The following MMUT variants were observed in gnomAD, a reference collection of about 807,000 sequenced individuals.
The protein encoded by MMUT is methylmalonyl-CoA mutase, mitochondrial.
In MMUT, 79 loss-of-function variants were observed where a neutral mutation model predicts 79.9. That is an observed-to-expected ratio of 0.99 (90% confidence interval 0.82 to 1.19). MMUT has a LOEUF of 1.19. Ranked by LOEUF, MMUT falls within the 50% of genes most tolerant of loss-of-function variation. MMUT has a pLI of 0.00. For synonymous variants in MMUT, 273 were observed against 295.7 expected, an observed-to-expected ratio of 0.92 and a Z score of 0.79; for missense variants, 860 against 917.2, an observed-to-expected ratio of 0.94 and a Z score of 0.81.
intron 8 of MMUT, among the ~76,000 whole-genome samples, chr6:49,447,168 A>T (rs1454524393): frequency 6.6e-6 from 1 of 151,956 alleles, no homozygotes; most frequent in African/African-American, 2.4e-5. Context: ...GTACCTTACT[A>T]AAGCACTACC....
chr6:49,460,889 T>G (rs1246014118), intron 1 of MMUT, among the ~76,000 whole-genome samples: 3 of 152,204 alleles, frequency 2.0e-5, no homozygotes. Flanking sequence ...TTTTAACTAC[T>G]TTGGAAAGTA....
chr6:49,449,690 CAG>C (rs1008772559), intron 6 of MMUT, among the ~76,000 whole-genome samples: 1 of 151,838 alleles, frequency 6.6e-6, no homozygotes, highest in Non-Finnish European at 1.5e-5. Flanking sequence ...ACAAAAAGCA[CAG>C]AGAGAAAATG....
At chr6:49,444,987 A>G (rs1767376222) in intron 8 of MMUT, among the ~76,000 whole-genome samples, 1 of 152,168 alleles carries the variant, frequency 6.6e-6, no homozygotes, top group Admixed American at 6.6e-5. Context: ...ATCCTAACAA[A>G]TCAGAAACAT....
intron 1 of MMUT, 125 bp from the exon 2 acceptor site, chr6:49,459,630 C>A: frequency 1.3e-6 from 1 of 745,742 alleles, no homozygotes. Flanking sequence ...CCCTTTTCTG[C>A]TTCCTGCACC....
chr6:49,446,788 A>C lies in MMUT; in HGVS notation c.1560+882T>G, dbSNP rs140260092. ...ATAAATGAAATCCTTCAGGCTATGA[A>C]GATATAAAGTTAATAACCTAAAGTA... On this transcript the variant is annotated intron_variant, in intron 8 of 12. Transcript: ENST00000274813. 2.0e-5 allele frequency among the ~76,000 whole-genome samples: 3 copies of C among 151,996 alleles called. No homozygotes were observed. In the East Asian group the frequency reaches 5.8e-4, roughly 29 times the overall value.
intron 4 of MMUT, among the ~76,000 whole-genome samples, chr6:49,455,189 A>G (rs1325401068): frequency 6.6e-6 from 1 of 152,156 alleles, no homozygotes; most frequent in African/African-American, 2.4e-5. Flanking sequence ...AATCTCTTCA[A>G]TGTATGGCTT....
intron 1 of MMUT, among the ~76,000 whole-genome samples, chr6:49,461,754 G>T (rs1015037174): frequency 6.6e-6 from 1 of 152,146 alleles, no homozygotes; most frequent in Non-Finnish European, 1.5e-5. Flanking sequence ...GGGCAACAGA[G>T]AGAGACCCCG....
intron 11 of MMUT, among the ~76,000 whole-genome samples, chr6:49,438,217 T>C (rs988376468): frequency 6.6e-6 from 1 of 152,154 alleles, no homozygotes; most frequent in Non-Finnish European, 1.5e-5. Context: ...ATGTACTTTC[T>C]AGTCAAATTT....
chr6:49,452,898 C>T (rs889609152), intron 5 of MMUT, among the ~76,000 whole-genome samples: 10 of 152,002 alleles, frequency 6.6e-5, no homozygotes, highest in Non-Finnish European at 1.0e-4. Context: ...AACTTTAACA[C>T]ATAAAATATG....
intron 4 of MMUT, among the ~76,000 whole-genome samples, chr6:49,454,627 C>A (rs1581832664): frequency 1.3e-5 from 2 of 152,328 alleles, no homozygotes; most frequent in South Asian, 2.1e-4. Flanking sequence ...GTTCTTAACA[C>A]AGCAGTTTTC....
At position 49,456,460 on chromosome 6, in the gene MMUT, T is replaced by C. The variant is rs573633401; in HGVS notation, c.754-223A>G. On this transcript the variant is annotated intron_variant, in intron 3 of 12. Transcript: ENST00000274813. ...ACCATCATCAGGACTGTACCTACTT[T>C]ATTTTTCTGGTGGACAAGAATTTAT... Among the ~76,000 whole-genome samples, 3 of 152,324 alleles carry C rather than the reference T, an allele frequency of 2.0e-5. No homozygotes were observed. The South Asian group carries it at 6.2e-4, about 32-fold the overall frequency.
chr6:49,459,279 G>T lies in MMUT; in HGVS notation c.188C>A (p.Thr63Asn), dbSNP rs1767776360. ...GGGTTTTATAGAGATCCCTTCCGGG[G>T]TGTGCCATATTAGGTCTTCTGGGTT... Reference protein sequence around the residue: ...GKNPEDLIWHTPEGISIKPLY... With the variant: ...GKNPEDLIWHNPEGISIKPLY... Residue 63 changes from threonine to asparagine, a missense_variant, in exon 2 of 13, where the codon ACC becomes AAC. Thr to Asn is a moderately conservative substitution (Grantham distance 65, BLOSUM62 0). Coordinates refer to ENST00000274813, the MANE Select transcript of MMUT (RefSeq NM_000255.4). 1.9e-6 allele frequency: 3 copies of T among 1,614,066 alleles called. No individual in the cohort carries two copies. The highest frequency in any genetic ancestry group is 3.3e-5 in the Admixed American group (2 of 59,996).
At chr6:49,437,458 T>C (rs1180188377) in intron 11 of MMUT, among the ~76,000 whole-genome samples, 1 of 152,028 alleles carries the variant, frequency 6.6e-6, no homozygotes, top group Non-Finnish European at 1.5e-5. Flanking sequence ...TATATAAATA[T>C]AGGGAGTGAT....
chr6:49,455,253 C>G (rs1350647831), intron 4 of MMUT, among the ~76,000 whole-genome samples: 1 of 152,144 alleles, frequency 6.6e-6, no homozygotes, highest in Non-Finnish European at 1.5e-5. Context: ...TGCAGTATCA[C>G]ATATCGTGTA....
chr6:49,447,913 A>C, intron 7 of MMUT, 128 bp from the exon 8 acceptor site: 1 of 640,684 alleles, frequency 1.6e-6, no homozygotes, highest in Non-Finnish European at 2.8e-6. Flanking sequence ...TGCAACTTCA[A>C]TATAGATCAG....
chr6:49,436,013 G>A (rs934479317), intron 11 of MMUT, among the ~76,000 whole-genome samples: 1 of 151,998 alleles, frequency 6.6e-6, no homozygotes, highest in Non-Finnish European at 1.5e-5. Context: ...GCCAACAATC[G>A]TATTTTTAAA....
intron 9 of MMUT, among the ~76,000 whole-genome samples, chr6:49,443,629 T>C (rs1014265604): frequency 1.3e-5 from 2 of 151,964 alleles, no homozygotes; most frequent in East Asian, 1.9e-4. Flanking sequence ...TATTTATATA[T>C]GATACATATA....
chr6:49,431,045 G>T lies in MMUT; in HGVS notation c.*683C>A, dbSNP rs1409490286. ...ACAACCTAAGCACTTTTATTTAAAG[G>T]AATGTTCATCAACATCCACTCTCCT... On this transcript the variant is annotated 3_prime_UTR_variant, in exon 13 of 13. Transcript: ENST00000274813. 1.3e-5 allele frequency: 2 copies of T among 152,288 alleles called. No individual in the cohort carries two copies. Among genetic ancestry groups the T allele is most frequent in the South Asian group, 2.1e-4 (1 of 4,818 alleles). 9.4% of individuals were successfully genotyped at this position (152,288 alleles called of 1,614,324 possible).
chr6:49,462,796 G>C (rs1180818873), intron 1 of MMUT, among the ~76,000 whole-genome samples: 2 of 152,122 alleles, frequency 1.3e-5, no homozygotes, highest in Admixed American at 6.5e-5. Context: ...TCTGCCAACG[G>C]GAACAGTTCA....
Sources: allele counts gnomAD v4.1 joint callset (sites outside exome capture counted in the v4.1 genomes callset), GRCh38; gene constraint gnomAD v4.1.1; transcripts MANE v1.5; gene names NCBI Gene and HGNC (gene_info 2026-07-23, HGNC 2026-07-21).